PDE1A: variants seen among roughly 807,000 people sequenced by gnomAD.
The protein encoded by PDE1A is phosphodiesterase 1A.
Under a neutral mutation model 61.7 loss-of-function variants are expected in PDE1A, and 35 were observed. The ratio of observed to expected loss-of-function variants is 0.57; its 90% CI spans 0.43 to 0.75. The LOEUF (loss-of-function observed/expected upper bound fraction) is 0.75. Among genes scored for constraint, PDE1A ranks in the 30% least tolerant of loss-of-function variants. PDE1A has a pLI of 0.00. For synonymous variants in PDE1A, 232 were observed against 213.2 expected (o/e 1.09, Z -0.77); for missense variants, 597 against 630.6 (o/e 0.95, Z 0.57).
intron 2 of PDE1A, among the ~76,000 whole-genome samples, chr2:182,512,586 T>G (rs571476922): frequency 6.6e-6 from 1 of 152,298 alleles, no homozygotes; most frequent in Non-Finnish European, 1.5e-5. Context: ...CCCAGCAATG[T>G]TTTTTTACCA....
chr2:182,334,025 A>G (rs1697608530), intron 1 of PDE1A, among the ~76,000 whole-genome samples: 1 of 152,188 alleles, frequency 6.6e-6, no homozygotes, highest in Admixed American at 6.5e-5. Context: ...CCAAGACTAA[A>G]TCAGAAATAA....
At chr2:182,325,219 TA>T (rs1696962302) in intron 1 of PDE1A, among the ~76,000 whole-genome samples, 2 of 152,206 alleles carry the variant, frequency 1.3e-5, no homozygotes, top group Non-Finnish European at 2.9e-5. Flanking sequence ...TGTTGGTTAG[TA>T]ATTAATTTAA....
the PDE1A span, among the ~76,000 whole-genome samples, chr2:182,605,967 G>T: frequency 6.6e-6 from 1 of 151,938 alleles, no homozygotes; most frequent in Non-Finnish European, 1.5e-5. Flanking sequence ...TGCTTCCAAG[G>T]CCTATCTGAT....
intron 2 of PDE1A, among the ~76,000 whole-genome samples, chr2:182,480,783 G>T (rs1479486503): frequency 6.6e-6 from 1 of 151,842 alleles, no homozygotes; most frequent in African/African-American, 2.4e-5. Flanking sequence ...ACATGTGCAT[G>T]TACATACACA....
intron 2 of PDE1A, among the ~76,000 whole-genome samples, chr2:182,252,602 C>A (rs1370327091): frequency 6.6e-6 from 1 of 152,174 alleles, no homozygotes; most frequent in African/African-American, 2.4e-5. Context: ...CAGGAGAGAT[C>A]TTGAGAAGGA....
At chr2:182,407,841 A>G (rs1172267362) in intron 1 of PDE1A, among the ~76,000 whole-genome samples, 3 of 152,218 alleles carry the variant, frequency 2.0e-5, no homozygotes. Context: ...TCTCCCATGA[A>G]GAATACAATG....
chr2:182,570,898 A>C, the PDE1A span, among the ~76,000 whole-genome samples: 1 of 152,188 alleles, frequency 6.6e-6, no homozygotes, highest in South Asian at 2.1e-4. Flanking sequence ...TGGGTAAGTC[A>C]TTTGACATCT....
chr2:182,303,300 G>A (rs1164200202), intron 1 of PDE1A, among the ~76,000 whole-genome samples: 1 of 152,092 alleles, frequency 6.6e-6, no homozygotes, highest in African/African-American at 2.4e-5. Context: ...TGATCCATGG[G>A]CTGCAGAATG....
the PDE1A span, among the ~76,000 whole-genome samples, chr2:182,619,217 A>C: frequency 4.2e-4 from 64 of 152,198 alleles, no homozygotes; most frequent in Non-Finnish European, 6.8e-4. Flanking sequence ...ATAATTTGTT[A>C]GCTTTATTAA....
At chr2:182,427,318 C>A (rs1703683384), upstream of PDE1A, among the ~76,000 whole-genome samples, 1 of 152,156 alleles carries the variant, frequency 6.6e-6, no homozygotes, top group African/African-American at 2.4e-5. Context: ...TAATAACCTC[C>A]TCTTGGCTGA....
chr2:182,325,354 T>TA (rs35485908), intron 1 of PDE1A, among the ~76,000 whole-genome samples: 522 of 151,930 alleles, frequency 3.4e-3, no homozygotes, highest in Non-Finnish European at 6.0e-3. Flanking sequence ...GCTAAAACTA[T>TA]AAAAAATCAT....
chr2:182,466,197 C>T (rs1686647945), intron 2 of PDE1A, among the ~76,000 whole-genome samples: 1 of 151,992 alleles, frequency 6.6e-6, no homozygotes, highest in South Asian at 2.1e-4. Context: ...TACTCTTGTA[C>T]TTACCACAAG....
chr2:182,657,510 T>C, the PDE1A span, among the ~76,000 whole-genome samples: 1 of 152,210 alleles, frequency 6.6e-6, no homozygotes, highest in Non-Finnish European at 1.5e-5. Flanking sequence ...TTATTTTATA[T>C]TGCTACTCTA....
intron 1 of PDE1A, among the ~76,000 whole-genome samples, chr2:182,425,747 A>G (rs964435592): frequency 1.6e-4 from 25 of 152,302 alleles, no homozygotes; most frequent in African/African-American, 5.3e-4. Context: ...TAACATTGCT[A>G]ACATGTAGTA....
At chr2:182,428,598 G>A (rs1703757978), upstream of PDE1A, among the ~76,000 whole-genome samples, 1 of 152,086 alleles carries the variant, frequency 6.6e-6, no homozygotes, top group Non-Finnish European at 1.5e-5. Context: ...AACAAACTTA[G>A]ATACAGATCT....
rs556021446 is a variant in PDE1A at position 182,169,264 on chromosome 2, C to T, written c.1517-974G>A. On this transcript the variant is annotated intron_variant, in intron 13 of 13. Coordinates refer to ENST00000351439, the Ensembl canonical transcript of PDE1A. ...CCAGTTTAGTAGAGTTATGGAAATA[C>T]AGTTTTAAGGAAAGAATATTGTACA... 7.2e-5 allele frequency among the ~76,000 whole-genome samples: 11 copies of T among 151,850 alleles called. No homozygotes were observed. The South Asian group carries it at 2.3e-3, about 32-fold the overall frequency.
chr2:182,240,059 T>C, intron 3 of PDE1A, 51 bp downstream of exon 3: 1 of 1,503,168 alleles, frequency 6.7e-7, no homozygotes, highest in Non-Finnish European at 9.2e-7. Context: ...AATGAATGTA[T>C]CTGCTGCCTT....
At chr2:182,473,251 C>T (rs371658957) in intron 2 of PDE1A, among the ~76,000 whole-genome samples, 1,563 of 151,816 alleles carry the variant, frequency 0.01, 15 homozygotes, top group South Asian at 0.026. Flanking sequence ...CCAAAAGCAA[C>T]GGCAACAAAA....
At chr2:182,508,922 C>T (rs1310357585) in intron 2 of PDE1A, among the ~76,000 whole-genome samples, 2 of 150,858 alleles carry the variant, frequency 1.3e-5, no homozygotes, top group Non-Finnish European at 3.0e-5. Flanking sequence ...AACTCGTCAT[C>T]TAGCATTAGG....
Sources: allele counts gnomAD v4.1 joint callset (sites outside exome capture counted in the v4.1 genomes callset), GRCh38; gene constraint gnomAD v4.1.1; transcripts MANE v1.5; gene names NCBI Gene and HGNC (gene_info 2026-07-23, HGNC 2026-07-21).